CSMD1: variants seen among roughly 807,000 people sequenced by gnomAD.
CSMD1 encodes CUB and sushi domain-containing protein 1.
Under a neutral mutation model 417.5 loss-of-function variants are expected in CSMD1, and 213 were observed. The observed-to-expected ratio is 0.51, with a 90% confidence interval of 0.46 to 0.57. CSMD1 has a LOEUF of 0.57. Ranked by LOEUF, CSMD1 falls within the 20% of genes least tolerant of loss-of-function variation. CSMD1 has a pLI of 0.00. For missense variants in CSMD1, 6,923 were observed against 4,529.7 expected, an observed-to-expected ratio of 1.53 and a Z score of -15.17; for synonymous variants, 2,862 against 1,736.8, an observed-to-expected ratio of 1.65 and a Z score of -16.11.
intron 1 of CSMD1, among the ~76,000 whole-genome samples, chr8:4,779,026 T>C (rs993709355): frequency 5.9e-5 from 9 of 152,212 alleles, no homozygotes; most frequent in Non-Finnish European, 2.9e-5. Context: ...ACCAGATTGA[T>C]ATATCTTAAT....
chr8:4,867,359 T>C (rs746591105), intron 1 of CSMD1, among the ~76,000 whole-genome samples: 35 of 152,088 alleles, frequency 2.3e-4, no homozygotes, highest in Non-Finnish European at 4.6e-4. Flanking sequence ...CTTTCCTCTT[T>C]AAATAGTTGG....
chr8:3,519,429 A>G (rs893446418), intron 10 of CSMD1, among the ~76,000 whole-genome samples: 9 of 152,224 alleles, frequency 5.9e-5, no homozygotes, highest in African/African-American at 2.2e-4. Flanking sequence ...TGGTTCATGT[A>G]AAAGATGAAG....
intron 5 of CSMD1, among the ~76,000 whole-genome samples, chr8:3,927,325 G>C: frequency 6.6e-6 from 1 of 151,832 alleles, no homozygotes; most frequent in East Asian, 1.9e-4. Flanking sequence ...GACTTTATAA[G>C]AACTTTATGA....
At chr8:3,297,269 T>C (rs1472473359) in intron 25 of CSMD1, among the ~76,000 whole-genome samples, 2 of 152,306 alleles carry the variant, frequency 1.3e-5, no homozygotes, top group South Asian at 2.1e-4. Context: ...TCTATTGATG[T>C]CATGGGATAT....
At chr8:3,510,320 C>A (rs1241840257) in intron 10 of CSMD1, among the ~76,000 whole-genome samples, 1 of 151,764 alleles carries the variant, frequency 6.6e-6, no homozygotes, top group African/African-American at 2.4e-5. Context: ...ATTCCCGTCA[C>A]AGGAAAGAGC....
chr8:2,973,405 CAT>C, intron 56 of CSMD1, 106 bp from the exon 57 acceptor site: 2 of 1,130,874 alleles, frequency 1.8e-6, no homozygotes, highest in East Asian at 4.7e-5. Flanking sequence ...TTGTGTTTCA[CAT>C]GAGTTATGGT....
chr8:3,694,273 G>A (rs904219875), intron 7 of CSMD1, among the ~76,000 whole-genome samples: 1 of 152,056 alleles, frequency 6.6e-6, no homozygotes, highest in Non-Finnish European at 1.5e-5. Context: ...GTCATGCTCA[G>A]GGGTCCACAC....
At chr8:4,140,618 T>C (rs999320351) in intron 3 of CSMD1, among the ~76,000 whole-genome samples, 3 of 150,890 alleles carry the variant, frequency 2.0e-5, no homozygotes, top group Non-Finnish European at 2.9e-5. Flanking sequence ...CAGTGAGCCA[T>C]GATTGCGCCA....
rs1339268645 is a variant in CSMD1, at chr8:4,253,882, C to T, written c.415+166071G>A. On this transcript the variant is annotated intron_variant, in intron 3 of 69. Coordinates refer to ENST00000635120, the MANE Select transcript of CSMD1 (RefSeq NM_033225.6). ...CCTGCTGGTCTTATCTACAAAGAGA[C>T]ACTACGTTCGTTATTTCCTTCCATC... Among the ~76,000 whole-genome samples the T allele has an allele frequency of 2.7e-5, 4 of 146,908 alleles. No individual in the cohort carries two copies. The South Asian group carries it at 8.7e-4, about 32-fold the overall frequency.
intron 41 of CSMD1, among the ~76,000 whole-genome samples, chr8:3,141,659 G>A (rs1180030083): frequency 6.6e-6 from 1 of 152,068 alleles, no homozygotes; most frequent in Non-Finnish European, 1.5e-5. Context: ...CACCCAAACC[G>A]GTAATCTGGC....
chr8:4,139,893 T>G (rs13259870), intron 3 of CSMD1, among the ~76,000 whole-genome samples: 45,283 of 150,334 alleles, frequency 0.3, 8,443 homozygotes, highest in Non-Finnish European at 0.39. Flanking sequence ...GAAGCAAGGG[T>G]GGAAGGGAGG....
At chr8:4,954,219 G>A (rs750155961) in intron 1 of CSMD1, among the ~76,000 whole-genome samples, 13 of 152,144 alleles carry the variant, frequency 8.5e-5, no homozygotes, top group Non-Finnish European at 1.8e-4. Flanking sequence ...ACCTCAAGGA[G>A]CTCAGAGTTT....
At chr8:3,907,984 A>G (rs1370055449) in intron 5 of CSMD1, among the ~76,000 whole-genome samples, 1 of 152,050 alleles carries the variant, frequency 6.6e-6, no homozygotes, top group African/African-American at 2.4e-5. Context: ...GGGGCCAGAA[A>G]TGTGCTCTGA....
At chr8:4,010,023 C>G (rs1816423211) in intron 4 of CSMD1, among the ~76,000 whole-genome samples, 1 of 152,174 alleles carries the variant, frequency 6.6e-6, no homozygotes, top group Admixed American at 6.5e-5. Context: ...TCCTGAATGT[C>G]TCCTACTACT....
intron 5 of CSMD1, among the ~76,000 whole-genome samples, chr8:3,784,045 G>A (rs960341131): frequency 5.9e-5 from 9 of 152,342 alleles, no homozygotes; most frequent in Admixed American, 4.6e-4. Flanking sequence ...TGACAGCACT[G>A]TTGTGAAGAT....
chr8:3,894,250 C>T (rs1807194417), intron 5 of CSMD1, among the ~76,000 whole-genome samples: 1 of 152,142 alleles, frequency 6.6e-6, no homozygotes, highest in Non-Finnish European at 1.5e-5. Flanking sequence ...TCAACATCTG[C>T]AGTCCCATCT....
chr8:4,882,207 G>C lies in CSMD1; in HGVS notation c.85+112125C>G, dbSNP rs780439679. 6.7e-4 allele frequency among the ~76,000 whole-genome samples: 101 copies of C among 151,850 alleles called. 3 individuals are homozygous for C. Among genetic ancestry groups the C allele is most frequent in the Non-Finnish European group, 3.1e-4 (21 of 67,998 alleles). ...AGACGGTGGTGTACACTGCGTGGTGGATTTCCCACACACTGGGACCAGCAT... is the reference window on the plus strand; with the variant it reads ...AGACGGTGGTGTACACTGCGTGGTGCATTTCCCACACACTGGGACCAGCAT... On this transcript the variant is annotated intron_variant, in intron 1 of 69. Coordinates refer to ENST00000635120, the MANE Select transcript of CSMD1 (RefSeq NM_033225.6).
intron 25 of CSMD1, among the ~76,000 whole-genome samples, chr8:3,300,447 A>G (rs1046236090): frequency 1.3e-5 from 2 of 152,132 alleles, no homozygotes; most frequent in African/African-American, 4.8e-5. Flanking sequence ...CCTGCACATA[A>G]TGAGTGGACA....
At chr8:3,323,442 C>T (rs1401232329) in intron 23 of CSMD1, among the ~76,000 whole-genome samples, 1 of 151,134 alleles carries the variant, frequency 6.6e-6, no homozygotes, top group East Asian at 2.0e-4. Flanking sequence ...CTGGTCCATT[C>T]TGAACCCCTC....
Sources: allele counts gnomAD v4.1 joint callset (sites outside exome capture counted in the v4.1 genomes callset), GRCh38; gene constraint gnomAD v4.1.1; transcripts MANE v1.5; gene names NCBI Gene and HGNC (gene_info 2026-07-23, HGNC 2026-07-21).